The following SASH1 variants were observed in gnomAD, a reference collection of about 807,000 sequenced individuals.
SASH1 encodes the protein SAM and SH3 domain containing 1, also known as SAM and SH3 domain-containing protein 1.
SASH1 carries 44 observed loss-of-function variants against 125.2 expected under a neutral mutation model. The ratio of observed to expected loss-of-function variants is 0.35; its 90% CI spans 0.28 to 0.45. The LOEUF (loss-of-function observed/expected upper bound fraction) is 0.45. Ranked by LOEUF, SASH1 falls within the 20% of genes least tolerant of loss-of-function variation. SASH1 has a pLI of 1.00. For synonymous variants in SASH1, 639 were observed against 649.1 expected, an observed-to-expected ratio of 0.98 and a Z score of 0.24; for missense variants, 1,426 against 1,614.5, an observed-to-expected ratio of 0.88 and a Z score of 2.00.
In SASH1 at chr6:148,533,397, T is replaced by G. The variant is rs1049083649; in HGVS notation, c.1735-374T>G. On this transcript the variant is annotated intron_variant, in intron 14 of 19. Coordinates refer to ENST00000367467, the MANE Select transcript of SASH1 (RefSeq NM_015278.5). This position sits in a 1 kb window ranked among gnomAD's most constrained non-coding sequence, Gnocchi z 6.2. ...TGACAGGGCCGGGATTGCCACTGGTTAGGACAGGTGGGAAGTGCCTCCTCT... is the reference window on the plus strand; with the variant it reads ...TGACAGGGCCGGGATTGCCACTGGTGAGGACAGGTGGGAAGTGCCTCCTCT... 6.6e-6 allele frequency among the ~76,000 whole-genome samples: 1 copy of G among 152,060 alleles called. No individual in the cohort carries two copies. The highest frequency in any genetic ancestry group is 2.4e-5 in the African/African-American group (1 of 41,418).
At chr6:148,497,895 G>A (rs1779379215) in intron 8 of SASH1, among the ~76,000 whole-genome samples, 1 of 152,140 alleles carries the variant, frequency 6.6e-6, no homozygotes, top group Non-Finnish European at 1.5e-5. Context: ...ATAATCTAGG[G>A]CCCTACAGTG....
chr6:148,375,124 A>G (rs530273753), intron 1 of SASH1, among the ~76,000 whole-genome samples: 143 of 152,006 alleles, frequency 9.4e-4, no homozygotes, highest in African/African-American at 3.2e-3. Context: ...CCAAATAGCT[A>G]AAACTACAGG....
chr6:148,319,327 G>A lies in SASH1; in HGVS notation n.74+46950G>A, dbSNP rs893673440. On this transcript the variant is annotated intron_variant and non_coding_transcript_variant, in intron 1 of 3. Coordinates refer to the SASH1 transcript ENST00000367469. ...TGGGATTACAGGCGTGAGCCACCGC[G>A]CCCAGCCCCATTTATCTTTTTTTAC... 4.6e-5 allele frequency among the ~76,000 whole-genome samples: 7 copies of A among 151,332 alleles called. No homozygotes were observed. In the East Asian group the frequency reaches 5.9e-4, roughly 13 times the overall value.
At chr6:148,455,985 C>A (rs1446961090) in intron 4 of SASH1, among the ~76,000 whole-genome samples, 1 of 152,118 alleles carries the variant, frequency 6.6e-6, no homozygotes, top group Non-Finnish European at 1.5e-5. Flanking sequence ...AAGCGGCAGC[C>A]CCAGGCCCCA....
intron 8 of SASH1, among the ~76,000 whole-genome samples, chr6:148,506,245 A>G (rs62432334): frequency 0.73 from 110,173 of 151,434 alleles, 40,263 homozygotes; most frequent in East Asian, 0.78. Flanking sequence ...AGGCCAAGGC[A>G]GGCAGATCAT....
At chr6:148,464,694 G>T (rs192054387) in intron 4 of SASH1, among the ~76,000 whole-genome samples, 1 of 152,164 alleles carries the variant, frequency 6.6e-6, no homozygotes, top group East Asian at 1.9e-4. Flanking sequence ...ATGGCATTTT[G>T]CACTGCTTCT....
intron 1 of SASH1, among the ~76,000 whole-genome samples, chr6:148,356,514 T>TTTTTTTTTTG (rs1781947002): frequency 2.2e-5 from 3 of 138,610 alleles, no homozygotes; most frequent in African/African-American, 2.8e-5. Context: ...TTTTTTTTTT[T>TTTTTTTTTTG]GAGACTGGGT....
chr6:148,520,209 C>T (rs547196594), intron 10 of SASH1: 12 of 291,532 alleles, frequency 4.1e-5, no homozygotes, highest in African/African-American at 2.6e-4. Context: ...CCTGTACAGC[C>T]ACCTGAACCT....
chr6:148,312,406 G>C (rs139002748), intron 1 of SASH1, among the ~76,000 whole-genome samples: 2 of 152,298 alleles, frequency 1.3e-5, no homozygotes, highest in African/African-American at 4.8e-5. Context: ...GCTTTGGAAG[G>C]CTGAGGTGGG....
chr6:148,510,700 T>TA (rs1780064643), intron 8 of SASH1, among the ~76,000 whole-genome samples: 1 of 152,088 alleles, frequency 6.6e-6, no homozygotes, highest in African/African-American at 2.4e-5. Flanking sequence ...ATTTCCTGAA[T>TA]AAAAAGACAT....
At chr6:148,303,782 AAAATAAAT>A (rs201590424) in intron 1 of SASH1, among the ~76,000 whole-genome samples, 7,170 of 147,352 alleles carry the variant, frequency 0.049, 263 homozygotes, top group East Asian at 0.18. Flanking sequence ...CTGTCTCAAC[AAAATAAAT>A]AAATAAATAA....
intron 8 of SASH1, chr6:148,512,701 C>T: frequency 3.0e-6 from 3 of 985,342 alleles, no homozygotes; most frequent in Non-Finnish European, 3.6e-6. Flanking sequence ...ACCTGGGAGT[C>T]CAGTTCCCAT....
intron 1 of SASH1, among the ~76,000 whole-genome samples, chr6:148,337,018 C>A (rs1322424325): frequency 1.3e-5 from 2 of 152,120 alleles, no homozygotes; most frequent in Admixed American, 1.3e-4. Context: ...AGACTAATGG[C>A]TTTTAAACTT....
intron 11 of SASH1, among the ~76,000 whole-genome samples, chr6:148,526,185 T>C (rs1405297656): frequency 2.0e-5 from 3 of 148,154 alleles, no homozygotes; most frequent in Non-Finnish European, 4.5e-5. Context: ...TGCCTCAGCC[T>C]CCCGACTGGC....
chr6:148,412,450 C>G (rs577848070), intron 2 of SASH1, among the ~76,000 whole-genome samples: 1 of 152,106 alleles, frequency 6.6e-6, no homozygotes, highest in Non-Finnish European at 1.5e-5. Flanking sequence ...TTTGATGAAG[C>G]ATTTAGTGTT....
chr6:148,387,570 T>C (rs1351466463), intron 1 of SASH1, among the ~76,000 whole-genome samples: 11 of 4,976 alleles, frequency 2.2e-3, no homozygotes, highest in South Asian at 0.011. Flanking sequence ...TCTTTTCTCT[T>C]TCTTTCTTTC....
At chr6:148,221,238 T>A in the SASH1 span, among the ~76,000 whole-genome samples, 1 of 152,198 alleles carries the variant, frequency 6.6e-6, no homozygotes, top group Non-Finnish European at 1.5e-5. Flanking sequence ...TCTGAGCCTA[T>A]TTTCTTCAAA....
intron 1 of SASH1, among the ~76,000 whole-genome samples, chr6:148,367,571 G>T (rs1450161455): frequency 1.3e-5 from 2 of 152,204 alleles, no homozygotes; most frequent in Non-Finnish European, 1.5e-5. Flanking sequence ...TGGGGAGGGT[G>T]GACCAGGGTG....
At chr6:148,345,576 AG>A (rs1433797494) in intron 1 of SASH1, among the ~76,000 whole-genome samples, 2 of 152,162 alleles carry the variant, frequency 1.3e-5, no homozygotes, top group African/African-American at 2.4e-5. Context: ...GATGTCTTGC[AG>A]GGAGACACCA....
Sources: allele counts gnomAD v4.1 joint callset (sites outside exome capture counted in the v4.1 genomes callset), GRCh38; gene constraint gnomAD v4.1.1; non-coding constraint Gnocchi (gnomAD v3.1); transcripts MANE v1.5; gene names NCBI Gene and HGNC (gene_info 2026-07-23, HGNC 2026-07-21).